The following CNBD1 variants were observed in gnomAD, a reference collection of about 807,000 sequenced individuals.
CNBD1 encodes the protein cyclic nucleotide binding domain containing 1, also known as cyclic nucleotide-binding domain-containing protein 1.
A neutral mutation model predicts 54.4 loss-of-function variants in CNBD1; 71 were observed. The ratio of observed to expected loss-of-function variants is 1.30; its 90% confidence interval spans 1.08 to 1.59. The LOEUF (loss-of-function observed/expected upper bound fraction) is 1.59. Ranked by LOEUF, CNBD1 falls within the 40% of genes most tolerant of loss-of-function variation. The probability of loss-of-function intolerance (pLI) is 0.00; values close to 1 mark genes in which losing one functional copy is unlikely to be tolerated. For missense variants in CNBD1, 659 were observed against 518.0 expected (o/e 1.27, Z -2.64); for synonymous variants, 182 against 170.7 (o/e 1.07, Z -0.51).
intron 4 of CNBD1, among the ~76,000 whole-genome samples, chr8:87,150,171 T>C (rs1237808055): frequency 6.1e-5 from 9 of 148,686 alleles, no homozygotes; most frequent in Non-Finnish European, 1.3e-4. Context: ...AGCAAGACTC[T>C]GTCAAAAAAC....
intron 4 of CNBD1, among the ~76,000 whole-genome samples, chr8:87,077,312 G>A (rs1280184029): frequency 6.6e-6 from 1 of 152,048 alleles, no homozygotes; most frequent in East Asian, 1.9e-4. Flanking sequence ...GATTCTTAGT[G>A]AGGGTTCTCT....
intron 2 of CNBD1, among the ~76,000 whole-genome samples, chr8:86,899,873 G>A (rs539089079): frequency 6.6e-6 from 1 of 152,228 alleles, no homozygotes; most frequent in Admixed American, 6.5e-5. Context: ...CCACAAAGAT[G>A]GCTGGGCTCC....
At chr8:87,420,890 G>C (rs909784253) in intron 2 of CNBD1, among the ~76,000 whole-genome samples, 7 of 150,498 alleles carry the variant, frequency 4.7e-5, no homozygotes, top group Admixed American at 1.3e-4. Flanking sequence ...TGATCCTTTT[G>C]TATCTCCCTC....
In CNBD1 at chr8:87,202,424, C is replaced by T. The variant is rs151012113; in HGVS notation, c.432-3569C>T. Among the ~76,000 whole-genome samples, 528 of 152,178 alleles carry T rather than the reference C, an allele frequency of 3.5e-3. 4 individuals carry two copies. Among genetic ancestry groups the T allele is most frequent in the African/African-American group, 0.012 (502 of 41,532 alleles). ...ACTTAGAAGAGCTGGAGAGAGAGAA[C>T]GTGGAGCAGCAAGTATCAGAATAGC... On this transcript the variant is annotated intron_variant, in intron 4 of 10. Transcript: ENST00000518476.
At chr8:87,019,636 G>C (rs905107358) in intron 4 of CNBD1, among the ~76,000 whole-genome samples, 2 of 152,120 alleles carry the variant, frequency 1.3e-5, no homozygotes, top group African/African-American at 4.8e-5. Flanking sequence ...CCAGCACTTT[G>C]GGAGGCCGAG....
chr8:87,263,616 A>G (rs574085591), intron 6 of CNBD1, among the ~76,000 whole-genome samples: 1 of 152,174 alleles, frequency 6.6e-6, no homozygotes, highest in South Asian at 2.1e-4. Context: ...CAGTTCTGTT[A>G]TTCTTCTATT....
At chr8:87,344,125 A>G (rs933578572) in intron 8 of CNBD1, among the ~76,000 whole-genome samples, 1 of 152,120 alleles carries the variant, frequency 6.6e-6, no homozygotes, top group Non-Finnish European at 1.5e-5. Context: ...GTGTTAGAAA[A>G]TTATCTGTAC....
chr8:87,255,419 A>T (rs143968872), intron 6 of CNBD1, among the ~76,000 whole-genome samples: 57 of 152,316 alleles, frequency 3.7e-4, no homozygotes, highest in African/African-American at 1.3e-3. Context: ...GCTAAGGTGT[A>T]AAAAGAGAAG....
chr8:87,178,489 G>C (rs147270547), intron 4 of CNBD1, among the ~76,000 whole-genome samples: 17 of 152,328 alleles, frequency 1.1e-4, no homozygotes, highest in African/African-American at 2.9e-4. Context: ...AGGCCAACAT[G>C]ATGACTAAAT....
intron 10 of CNBD1, among the ~76,000 whole-genome samples, chr8:87,375,284 A>G (rs370389505): frequency 1.3e-5 from 2 of 151,952 alleles, no homozygotes; most frequent in East Asian, 3.9e-4. Context: ...CCAGGAACTT[A>G]GCAAATGTCA....
At chr8:86,945,398 C>G (rs554582136) in intron 4 of CNBD1, among the ~76,000 whole-genome samples, 1 of 152,136 alleles carries the variant, frequency 6.6e-6, no homozygotes, top group Admixed American at 6.6e-5. Context: ...GAATTGCTCC[C>G]TGGAAGAACA....
chr8:87,348,304 G>C (rs1397298135), intron 8 of CNBD1, among the ~76,000 whole-genome samples: 1 of 152,088 alleles, frequency 6.6e-6, no homozygotes, highest in East Asian at 1.9e-4. Flanking sequence ...TAATAAAGAA[G>C]TAGTGTTTAA....
At chr8:87,077,430 T>TA (rs1554552472) in intron 4 of CNBD1, among the ~76,000 whole-genome samples, 10 of 148,518 alleles carry the variant, frequency 6.7e-5, no homozygotes, top group Non-Finnish European at 1.0e-4. Context: ...TTTTTTTTTT[T>TA]ATTATACTTT....
intron 4 of CNBD1, among the ~76,000 whole-genome samples, chr8:86,954,972 A>AT: frequency 7.5e-6 from 1 of 133,272 alleles, no homozygotes; most frequent in East Asian, 2.7e-4. Context: ...TCCTAATGCA[A>AT]TCCCTCCCCC....
intron 8 of CNBD1, among the ~76,000 whole-genome samples, chr8:87,349,171 T>C (rs1321968325): frequency 1.3e-5 from 2 of 152,186 alleles, no homozygotes; most frequent in Non-Finnish European, 2.9e-5. Context: ...CATCGTATGT[T>C]ATTTGTCATT....
At chr8:87,145,096 A>G (rs925436130) in intron 4 of CNBD1, among the ~76,000 whole-genome samples, 3 of 152,174 alleles carry the variant, frequency 2.0e-5, no homozygotes, top group African/African-American at 4.8e-5. Context: ...CAAAAAATTT[A>G]TAGCATATGC....
At chr8:87,075,550 G>GT (rs1356042048) in intron 4 of CNBD1, among the ~76,000 whole-genome samples, 2 of 151,960 alleles carry the variant, frequency 1.3e-5, no homozygotes, top group South Asian at 2.1e-4. Flanking sequence ...TGTTTTTGTT[G>GT]TTTTTTTCAG....
chr8:86,898,808 A>C (rs968655206), intron 2 of CNBD1, among the ~76,000 whole-genome samples: 2 of 152,150 alleles, frequency 1.3e-5, no homozygotes, highest in African/African-American at 4.8e-5. Flanking sequence ...TGAAAGATAA[A>C]ATGATTAAGC....
Position 87,241,268 on chromosome 8 carries a change from A to ATTTT in CNBD1, c.771+4176_771+4179dup, listed in dbSNP as rs34829455. ...GGGCACAAAAATCTGTATTTGGAAG[A>ATTTT]TTTTTTTTTTTTTTTTTTTTTTTGA... On this transcript the variant is annotated intron_variant, in intron 6 of 10. Coordinates refer to ENST00000518476, the MANE Select transcript of CNBD1 (RefSeq NM_173538.3). Among the ~76,000 whole-genome samples the ATTTT allele has an allele frequency of 3.6e-3, 337 of 93,838 alleles. 3 individuals are homozygous for ATTTT. The highest frequency in any genetic ancestry group is 5.1e-3 in the African/African-American group (105 of 20,504). 61.6% of individuals were successfully genotyped at this position (93,838 alleles called of 152,430 possible).
Sources: allele counts gnomAD v4.1 joint callset (sites outside exome capture counted in the v4.1 genomes callset), GRCh38; gene constraint gnomAD v4.1.1; transcripts MANE v1.5; gene names NCBI Gene and HGNC (gene_info 2026-07-23, HGNC 2026-07-21).